The following MLLT10 variants were observed in gnomAD, a reference collection of about 807,000 sequenced individuals.
MLLT10 encodes the protein MLLT10 histone lysine methyltransferase DOT1L cofactor.
In MLLT10, 30 loss-of-function variants were observed where a neutral mutation model predicts 129.1. The observed-to-expected ratio is 0.23, with a 90% CI of 0.17 to 0.32. MLLT10 has a LOEUF of 0.32. Ranked by LOEUF, MLLT10 falls within the 10% of genes least tolerant of loss-of-function variation. MLLT10 has a pLI of 1.00. For missense variants in MLLT10, 1,119 were observed against 1,268.3 expected, an observed-to-expected ratio of 0.88 and a Z score of 1.79; for synonymous variants, 490 against 446.4, an observed-to-expected ratio of 1.10 and a Z score of -1.23.
chr10:21,644,315 A>G (rs1443227733), intron 8 of MLLT10, among the ~76,000 whole-genome samples: 1 of 152,022 alleles, frequency 6.6e-6, no homozygotes, highest in Non-Finnish European at 1.5e-5. Context: ...TATGCTTGGG[A>G]GGCTCACTTT....
rs370150572 is a variant in MLLT10 at position 21,734,040 on chromosome 10, T to C, written c.2769T>C (p.Pro923=). Residue 923 remains proline (P), a synonymous_variant, in exon 20 of 23, where the codon CCT becomes CCC. Transcript: ENST00000307729. The part of the protein sequence containing the change: ...VGALNGVMQT[P]VTMSQNPTPL... ...CTTTAAATGGGGTTATGCAGACTCC[T>C]GTCACAATGTCCCAGAACCCTACCC... is the stretch of plus-strand genomic sequence containing the variant. 6.2e-7 allele frequency: 1 copy of C among 1,614,194 alleles called. No homozygotes were observed.
chr10:21,704,329 T>TTCTCTCTCTCTCTC (rs1198146694), intron 13 of MLLT10, among the ~76,000 whole-genome samples: 6 of 121,114 alleles, frequency 5.0e-5, no homozygotes, highest in African/African-American at 9.7e-5. Flanking sequence ...TCTTTTTAAA[T>TTCTCTCTCTCTCTC]TCTCTCTCTC....
chr10:21,735,666 C>A (rs565380736), intron 21 of MLLT10, among the ~76,000 whole-genome samples: 1 of 152,070 alleles, frequency 6.6e-6, no homozygotes, highest in Non-Finnish European at 1.5e-5. Context: ...GAGCACAGAC[C>A]GATGTGAGAG....
At chr10:21,640,180 CAA>C (rs1339705313) in intron 8 of MLLT10, among the ~76,000 whole-genome samples, 3 of 141,834 alleles carry the variant, frequency 2.1e-5, no homozygotes, top group Non-Finnish European at 4.5e-5. Context: ...TATATAATAT[CAA>C]ATATTATTAT....
intron 9 of MLLT10, among the ~76,000 whole-genome samples, chr10:21,656,536 GTTTCA>G (rs905259433): frequency 2.6e-4 from 39 of 151,996 alleles, no homozygotes; most frequent in Non-Finnish European, 3.5e-4. Context: ...AAAAAATTCC[GTTTCA>G]TTTATTTCTT....
chr10:21,665,401 G>A (rs1181908505), intron 9 of MLLT10, among the ~76,000 whole-genome samples: 1 of 149,998 alleles, frequency 6.7e-6, no homozygotes, highest in Non-Finnish European at 1.5e-5. Flanking sequence ...CGATTCTCCT[G>A]CCTCAGCCTC....
At chr10:21,714,882 AGAG>A (rs1165015297) in intron 14 of MLLT10, among the ~76,000 whole-genome samples, 12 of 152,222 alleles carry the variant, frequency 7.9e-5, no homozygotes, top group Non-Finnish European at 1.5e-4. Flanking sequence ...TGTTTTATAA[AGAG>A]GACAGTGCAG....
chr10:21,607,658 T>G (rs943567268), intron 5 of MLLT10, among the ~76,000 whole-genome samples: 3 of 152,232 alleles, frequency 2.0e-5, no homozygotes, highest in African/African-American at 4.8e-5. Context: ...TAATCCTGTT[T>G]CATTGTATTA....
chr10:21,578,606 T>C (rs1439737778), intron 3 of MLLT10, among the ~76,000 whole-genome samples: 2 of 152,358 alleles, frequency 1.3e-5, no homozygotes, highest in Middle Eastern at 3.4e-3. Flanking sequence ...CATTTAGATC[T>C]GCGATTCACT....
At position 21,641,661 on chromosome 10, in the gene MLLT10, T is replaced by TC. The variant is rs1258888922; in HGVS notation, c.700-10006dup. Among the ~76,000 whole-genome samples the TC allele has an allele frequency of 2.0e-5, 3 of 151,942 alleles. No individual in the cohort carries two copies. The East Asian group carries it at 5.8e-4, about 29-fold the overall frequency. On this transcript the variant is annotated intron_variant, in intron 8 of 22. Coordinates refer to ENST00000307729, the MANE Select transcript of MLLT10 (RefSeq NM_001195626.3). The stretch of plus-strand genomic sequence containing the variant: ...CAGAATGAGACCAAAAAAACTTTTT[T>TC]CCCCCCTTACCACAAGAAATATTAT...
At chr10:21,672,451 A>G (rs1309065467) in intron 10 of MLLT10, among the ~76,000 whole-genome samples, 1 of 152,038 alleles carries the variant, frequency 6.6e-6, no homozygotes. Flanking sequence ...GATTAGAGGC[A>G]CACGTCACCA....
intron 13 of MLLT10, among the ~76,000 whole-genome samples, chr10:21,705,690 C>T (rs1157932175): frequency 6.6e-6 from 1 of 152,166 alleles, no homozygotes; most frequent in African/African-American, 2.4e-5. Flanking sequence ...ACCCTGGGAG[C>T]AGTAGCTGGT....
intron 14 of MLLT10, among the ~76,000 whole-genome samples, chr10:21,724,667 C>A (rs1160569124): frequency 6.6e-6 from 1 of 152,226 alleles, no homozygotes; most frequent in African/African-American, 2.4e-5. Flanking sequence ...CACTGAGAGT[C>A]TTCTGTGAGT....
At chr10:21,670,319 C>G (rs2051261211) in intron 9 of MLLT10, 130 bp from the exon 10 acceptor site, 1 of 801,474 alleles carries the variant, frequency 1.2e-6, no homozygotes, top group East Asian at 2.9e-5. Flanking sequence ...CTTAGGTGAA[C>G]TGACTTATTT....
chr10:21,704,375 AT>A (rs1347405596), intron 13 of MLLT10, among the ~76,000 whole-genome samples: 62 of 146,312 alleles, frequency 4.2e-4, no homozygotes, highest in Non-Finnish European at 3.0e-5. Flanking sequence ...ATATATATAT[AT>A]ATATATAATT....
chr10:21,555,202 A>C (rs1168865738), intron 3 of MLLT10, among the ~76,000 whole-genome samples: 4 of 151,780 alleles, frequency 2.6e-5, no homozygotes, highest in Admixed American at 2.6e-4. Flanking sequence ...TCTTGGATAC[A>C]ATTTATTTTA....
intron 14 of MLLT10, among the ~76,000 whole-genome samples, chr10:21,716,442 C>T (rs948928966): frequency 2.6e-5 from 4 of 152,150 alleles, no homozygotes; most frequent in African/African-American, 9.7e-5. Context: ...CCTGTAATCC[C>T]AGCACTTTGG....
At chr10:21,722,766 A>C (rs2057225214) in intron 14 of MLLT10, among the ~76,000 whole-genome samples, 1 of 152,138 alleles carries the variant, frequency 6.6e-6, no homozygotes, top group Non-Finnish European at 1.5e-5. Context: ...AAGACTCATC[A>C]AGGGTCCCAG....
At chr10:21,640,370 GTATA>G (rs1285713232) in intron 8 of MLLT10, among the ~76,000 whole-genome samples, 10 of 147,602 alleles carry the variant, frequency 6.8e-5, no homozygotes, top group Non-Finnish European at 1.2e-4. Flanking sequence ...ATGTGTGTGT[GTATA>G]TATATGTATA....
Sources: allele counts gnomAD v4.1 joint callset (sites outside exome capture counted in the v4.1 genomes callset), GRCh38; gene constraint gnomAD v4.1.1; transcripts MANE v1.5; gene names NCBI Gene and HGNC (gene_info 2026-07-23, HGNC 2026-07-21).